MDGA2: variants seen among roughly 807,000 people sequenced by gnomAD.
MDGA2 encodes the protein MAM domain containing glycosylphosphatidylinositol anchor 2, also known as MAM domain-containing glycosylphosphatidylinositol anchor protein 2.
In MDGA2, 40 loss-of-function variants were observed where a neutral mutation model predicts 117.8. That is an observed-to-expected ratio of 0.34 (90% CI 0.26 to 0.44). The LOEUF (loss-of-function observed/expected upper bound fraction) is 0.44, where lower values mean the gene tolerates loss of function less well. Among genes scored for constraint, MDGA2 ranks in the 20% least tolerant of loss-of-function variants. MDGA2 has a pLI of 1.00. For missense variants in MDGA2, 1,123 were observed against 1,250.6 expected (o/e 0.90, Z 1.54); for synonymous variants, 452 against 439.0 (o/e 1.03, Z -0.37).
chr14:47,210,223 A>G (rs1001609414), intron 3 of MDGA2, among the ~76,000 whole-genome samples: 4 of 152,214 alleles, frequency 2.6e-5, no homozygotes, highest in Admixed American at 6.5e-5. Flanking sequence ...AAATGCAGCA[A>G]TCTACCTAAG....
At chr14:47,389,620 A>G (rs144025120) in intron 1 of MDGA2, among the ~76,000 whole-genome samples, 1 of 75,918 alleles carries the variant, frequency 1.3e-5, no homozygotes, top group East Asian at 5.6e-4. Context: ...ACACACACAC[A>G]CACACACACA....
intron 8 of MDGA2, among the ~76,000 whole-genome samples, chr14:47,027,904 G>C (rs888743291): frequency 6.6e-6 from 1 of 151,932 alleles, no homozygotes; most frequent in African/African-American, 2.4e-5. Context: ...TCCATGGAAA[G>C]ATAAAGTAAG....
intron 9 of MDGA2, among the ~76,000 whole-genome samples, chr14:46,920,442 A>T (rs562644654): frequency 2.6e-5 from 4 of 152,222 alleles, no homozygotes; most frequent in East Asian, 1.9e-4. Flanking sequence ...TGAAATCTGG[A>T]GAAAGAAGAT....
intron 2 of MDGA2, among the ~76,000 whole-genome samples, chr14:47,231,750 T>C (rs1411265087): frequency 7.5e-6 from 1 of 133,386 alleles, no homozygotes; most frequent in Non-Finnish European, 1.7e-5. Context: ...AACCTTCGTG[T>C]TGGAAAAAAA....
chr14:47,456,945 G>A (rs1458196125), intron 1 of MDGA2, among the ~76,000 whole-genome samples: 1 of 151,680 alleles, frequency 6.6e-6, no homozygotes, highest in East Asian at 1.9e-4. Flanking sequence ...ACTCTGGTCA[G>A]CACCTCAGAT....
chr14:47,063,158 A>C (rs1484971613), intron 6 of MDGA2, among the ~76,000 whole-genome samples: 1 of 152,058 alleles, frequency 6.6e-6, no homozygotes, highest in Non-Finnish European at 1.5e-5. Flanking sequence ...GAAATATTTT[A>C]TATGCCTGAA....
chr14:47,521,080 G>C (rs1449392019), intron 1 of MDGA2, among the ~76,000 whole-genome samples: 2 of 152,178 alleles, frequency 1.3e-5, no homozygotes, highest in African/African-American at 4.8e-5. Flanking sequence ...CTTCCACTTT[G>C]AAGGCACACA....
chr14:47,539,972 A>G (rs1191298073), intron 1 of MDGA2, among the ~76,000 whole-genome samples: 1 of 152,054 alleles, frequency 6.6e-6, no homozygotes, highest in Non-Finnish European at 1.5e-5. Context: ...CTCTGCTCAG[A>G]ACTCTTTTCC....
intron 14 of MDGA2, among the ~76,000 whole-genome samples, chr14:46,869,730 G>A (rs1881923677): frequency 1.3e-5 from 2 of 151,842 alleles, no homozygotes; most frequent in South Asian, 4.1e-4. Flanking sequence ...CACTTCAGGG[G>A]TTAGGTTATG....
intron 1 of MDGA2, among the ~76,000 whole-genome samples, chr14:47,528,438 T>C (rs979273277): frequency 8.5e-5 from 13 of 152,200 alleles, no homozygotes; most frequent in Non-Finnish European, 1.8e-4. Context: ...GAATCCAAAA[T>C]ATGGAAGTTC....
chr14:47,457,937 T>C (rs1301072478), intron 1 of MDGA2, among the ~76,000 whole-genome samples: 2 of 151,956 alleles, frequency 1.3e-5, no homozygotes, highest in Non-Finnish European at 2.9e-5. Context: ...TCCAAGTGGT[T>C]AAGAGGATAG....
intron 6 of MDGA2, among the ~76,000 whole-genome samples, chr14:47,066,273 C>T (rs1890076625): frequency 6.6e-6 from 1 of 152,100 alleles, no homozygotes; most frequent in African/African-American, 2.4e-5. Context: ...ACTTAATACT[C>T]TTTATTGAAT....
intron 1 of MDGA2, among the ~76,000 whole-genome samples, chr14:47,470,271 C>T (rs1454725537): frequency 6.8e-6 from 1 of 147,582 alleles, no homozygotes; most frequent in Non-Finnish European, 1.5e-5. Flanking sequence ...CCCAGCCCCC[C>T]CACCCCATGA....
At chr14:46,923,707 T>C (rs934270572) in intron 9 of MDGA2, among the ~76,000 whole-genome samples, 6 of 152,054 alleles carry the variant, frequency 3.9e-5, no homozygotes, top group Non-Finnish European at 7.4e-5. Flanking sequence ...CTGATTTTAT[T>C]GGAAAAGGGC....
intron 1 of MDGA2, among the ~76,000 whole-genome samples, chr14:47,620,178 T>C (rs537409752): frequency 2.6e-5 from 4 of 152,236 alleles, no homozygotes; most frequent in Non-Finnish European, 4.4e-5. Flanking sequence ...AATAAAGGAA[T>C]GCTCAATGGC....
intron 1 of MDGA2, among the ~76,000 whole-genome samples, chr14:47,512,315 T>A (rs1894658942): frequency 6.6e-6 from 1 of 152,130 alleles, no homozygotes; most frequent in South Asian, 2.1e-4. Context: ...CATTGTAGCT[T>A]TTTCTTCTCA....
chr14:47,001,741 T>C (rs1466604144), intron 8 of MDGA2, among the ~76,000 whole-genome samples: 1 of 152,120 alleles, frequency 6.6e-6, no homozygotes, highest in Non-Finnish European at 1.5e-5. Flanking sequence ...TCAACACTGG[T>C]ACATATCCTG....
At chr14:46,935,389 G>C (rs1419479023) in intron 9 of MDGA2, among the ~76,000 whole-genome samples, 2 of 151,974 alleles carry the variant, frequency 1.3e-5, no homozygotes, top group African/African-American at 4.8e-5. Flanking sequence ...AATCCCTAAA[G>C]TATCTAGTCA....
intron 8 of MDGA2, among the ~76,000 whole-genome samples, chr14:46,964,918 A>ATTTTTTTTTTTTTT (rs1566549134): frequency 4.2e-5 from 4 of 95,414 alleles, no homozygotes; most frequent in South Asian, 3.1e-4. Flanking sequence ...ATATATATTT[A>ATTTTTTTTTTTTTT]CTTTTTTTTT....
Sources: gnomAD v4.1 joint callset for allele counts (sites outside exome capture counted in the v4.1 genomes callset) on GRCh38, gnomAD v4.1.1 for gene constraint, MANE v1.5 for transcripts, NCBI Gene and HGNC (gene_info 2026-07-23, HGNC 2026-07-21) for gene names.